The following PRH1 variants were observed in gnomAD, a reference collection of about 807,000 sequenced individuals.
PRH1 encodes the protein proline rich protein HaeIII subfamily 1.
Under a neutral mutation model 7.9 loss-of-function variants are expected in PRH1, and 7 were observed. That is an observed-to-expected ratio of 0.89 (90% CI 0.50 to 1.67). The LOEUF is 1.67. PRH1 is among the 40% of genes most tolerant of loss of function. The probability of loss-of-function intolerance (pLI) is 0.00; values close to 1 mark genes in which losing one functional copy is unlikely to be tolerated. For synonymous variants in PRH1, 45 were observed against 80.8 expected (o/e 0.56, Z 2.38); for missense variants, 109 against 223.6 (o/e 0.49, Z 3.27).
intron 1 of PRH1, among the ~76,000 whole-genome samples, chr12:11,079,726 A>G (rs556159100): frequency 8.5e-6 from 1 of 117,930 alleles, no homozygotes; most frequent in South Asian, 2.3e-4. Context: ...TAAACCTAAA[A>G]GAAAAACCTA....
chr12:11,037,595 A>G (rs1942490065), intron 1 of PRH1, among the ~76,000 whole-genome samples: 2 of 152,258 alleles, frequency 1.3e-5, no homozygotes, highest in South Asian at 4.1e-4. Context: ...AATTTCTAAC[A>G]CTTTCAAATG....
chr12:10,955,886 T>G (rs1030047078), intron 2 of PRH1, among the ~76,000 whole-genome samples: 10 of 151,926 alleles, frequency 6.6e-5, no homozygotes, highest in African/African-American at 2.4e-4. Context: ...AGTAAGAAAT[T>G]GAATCCCTGA....
chr12:11,049,991 A>T (rs1943077562), upstream of PRH1, among the ~76,000 whole-genome samples: 1 of 152,158 alleles, frequency 6.6e-6, no homozygotes, highest in East Asian at 1.9e-4. Context: ...TTTCCCCAGG[A>T]GGTCATCTAG....
chr12:11,069,575 A>G (rs1216191587), intron 1 of PRH1, among the ~76,000 whole-genome samples: 1 of 152,236 alleles, frequency 6.6e-6, no homozygotes, highest in Admixed American at 6.5e-5. Context: ...TGTGGCTAAT[A>G]GAGCATGCAA....
At chr12:11,007,797 C>G (rs1007484499) in intron 1 of PRH1, among the ~76,000 whole-genome samples, 8 of 152,066 alleles carry the variant, frequency 5.3e-5, no homozygotes, top group South Asian at 2.1e-4. Flanking sequence ...GAGATCACCC[C>G]CTCCAGATGT....
At chr12:11,134,729 A>C (rs1483335455) in intron 1 of PRH1, 1 of 157,648 alleles carries the variant, frequency 6.3e-6, no homozygotes, top group Non-Finnish European at 1.4e-5. Context: ...GATCATAACT[A>C]AGATCATCAC....
chr12:10,934,834 C>T (rs1468966294), intron 2 of PRH1, among the ~76,000 whole-genome samples: 1 of 152,110 alleles, frequency 6.6e-6, no homozygotes, highest in East Asian at 1.9e-4. Context: ...CAAATAAAGA[C>T]AATTCTCTGC....
At chr12:10,927,068 T>C (rs1453802461) in intron 2 of PRH1, among the ~76,000 whole-genome samples, 2 of 152,204 alleles carry the variant, frequency 1.3e-5, no homozygotes, top group African/African-American at 2.4e-5. Context: ...CTGGTATTTA[T>C]ACTTTCTTGA....
chr12:11,070,205 A>G (rs1320637762), intron 1 of PRH1, among the ~76,000 whole-genome samples: 1 of 152,192 alleles, frequency 6.6e-6, no homozygotes, highest in African/African-American at 2.4e-5. Context: ...ATTGGTAGTC[A>G]GCAGCTCAGG....
intron 1 of PRH1, among the ~76,000 whole-genome samples, chr12:11,126,822 C>A (rs1370132919): frequency 4.6e-5 from 7 of 152,144 alleles, no homozygotes; most frequent in African/African-American, 1.7e-4. Flanking sequence ...TTTAACAACT[C>A]ATTAAAAGGA....
Position 11,160,611 on chromosome 12 carries a change from T to C in PRH1, n.39+10811A>G, listed in dbSNP as rs183273762. The stretch of plus-strand genomic sequence containing the variant: ...TCAGCCTCCCGAGTAGCTGGGACTA[T>C]AGGCGAGCACCACCACGCCCAGCTG... On this transcript the variant is annotated intron_variant and non_coding_transcript_variant, in intron 1 of 1. Transcript: ENST00000541175. 2.6e-5 allele frequency among the ~76,000 whole-genome samples: 4 copies of C among 152,108 alleles called. No individual in the cohort carries two copies. In the East Asian group the frequency reaches 5.8e-4, roughly 22 times the overall value.
chr12:11,000,544 T>C (rs1940538420), intron 1 of PRH1, among the ~76,000 whole-genome samples: 1 of 152,158 alleles, frequency 6.6e-6, no homozygotes, highest in Non-Finnish European at 1.5e-5. Context: ...ACATTTTATG[T>C]TAATTTGTTT....
At chr12:11,108,901 C>A (rs1411746113) in intron 1 of PRH1, among the ~76,000 whole-genome samples, 1 of 152,200 alleles carries the variant, frequency 6.6e-6, no homozygotes, top group African/African-American at 2.4e-5. Flanking sequence ...TGGAGCCCAG[C>A]AAGCTAAGAT....
At chr12:11,121,028 G>A (rs564030573) in exon 2 of PRH1, 2 of 154,102 alleles carry the variant, frequency 1.3e-5, no homozygotes, top group Admixed American at 1.3e-4. Context: ...AACAGATGCA[G>A]TCTTATTCCC....
At chr12:11,159,066 G>GA (rs1315072636) in intron 1 of PRH1, 1 of 154,586 alleles carries the variant, frequency 6.5e-6, no homozygotes, top group Non-Finnish European at 1.4e-5. Flanking sequence ...CTTGAGCCCA[G>GA]AGAGTTGAGC....
chr12:11,081,102 C>A (rs990327546), intron 1 of PRH1, among the ~76,000 whole-genome samples: 14 of 96,954 alleles, frequency 1.4e-4, no homozygotes, highest in Non-Finnish European at 2.0e-4. Context: ...CTCCCCTCTA[C>A]TGTTACAGAA....
In PRH1 at chr12:11,056,762, T is replaced by C. The variant is rs944646419; in HGVS notation, n.124-9574A>G. 3.9e-5 allele frequency among the ~76,000 whole-genome samples: 6 copies of C among 151,942 alleles called. 1 individual carries two copies. The highest frequency in any genetic ancestry group is 3.9e-4 in the Admixed American group (6 of 15,250). On this transcript the variant is annotated intron_variant and non_coding_transcript_variant, in intron 1 of 4. Coordinates refer to the PRH1 transcript ENST00000541977. ...GAACCCAGGAGGTGGAGGTTGTAGT[T>C]AGTCGAGATCACACCACTGCACACC...
chr12:10,898,543 T>TACA (rs1184080731), intron 2 of PRH1, among the ~76,000 whole-genome samples: 1 of 152,218 alleles, frequency 6.6e-6, no homozygotes, highest in Admixed American at 6.5e-5. Flanking sequence ...AAGCATTAAA[T>TACA]ACAACTATTT....
intron 2 of PRH1, among the ~76,000 whole-genome samples, chr12:10,933,921 A>T (rs1328929500): frequency 6.6e-6 from 1 of 152,150 alleles, no homozygotes; most frequent in Non-Finnish European, 1.5e-5. Context: ...CCACATGCAG[A>T]TCTGTTTTTC....
Sources: allele counts gnomAD v4.1 joint callset (sites outside exome capture counted in the v4.1 genomes callset), GRCh38; gene constraint gnomAD v4.1.1; transcripts MANE v1.5; gene names NCBI Gene and HGNC (gene_info 2026-07-23, HGNC 2026-07-21).